TMTC2: variants seen among roughly 807,000 people sequenced by gnomAD.
TMTC2 encodes the protein transmembrane O-mannosyltransferase targeting cadherins 2.
Under a neutral mutation model 82.4 loss-of-function variants are expected in TMTC2, and 43 were observed. The ratio of observed to expected loss-of-function variants is 0.52; its 90% CI spans 0.41 to 0.67. TMTC2 has a LOEUF of 0.67. Ranked by LOEUF, TMTC2 falls within the 30% of genes least tolerant of loss-of-function variation. The pLI, the probability that TMTC2 is intolerant of heterozygous loss-of-function variation, is 0.00. For missense variants in TMTC2, 919 were observed against 1,012.4 expected (o/e 0.91, Z 1.25); for synonymous variants, 408 against 381.9 (o/e 1.07, Z -0.80).
intron 4 of TMTC2, among the ~76,000 whole-genome samples, chr12:82,942,855 CAAA>C (rs1342838206): frequency 1.3e-5 from 2 of 151,664 alleles, no homozygotes; most frequent in Admixed American, 1.3e-4. Context: ...GAAAAAAAAA[CAAA>C]AGATGAAACA....
intron 11 of TMTC2, among the ~76,000 whole-genome samples, chr12:83,078,767 T>C (rs1284122369): frequency 1.3e-5 from 2 of 152,204 alleles, no homozygotes; most frequent in Non-Finnish European, 2.9e-5. Context: ...TTTTATTCTG[T>C]CACTTTCTTT....
intron 1 of TMTC2, among the ~76,000 whole-genome samples, chr12:82,820,888 A>G (rs1054015402): frequency 1.3e-5 from 2 of 151,692 alleles, no homozygotes; most frequent in East Asian, 2.0e-4. Flanking sequence ...AATTATGACT[A>G]TTTTTTACAG....
At chr12:82,817,808 A>G (rs1393894296) in intron 1 of TMTC2, among the ~76,000 whole-genome samples, 1 of 152,174 alleles carries the variant, frequency 6.6e-6, no homozygotes, top group African/African-American at 2.4e-5. Flanking sequence ...ACGTTGGATC[A>G]GTTGCCTTTT....
At chr12:83,084,411 C>A (rs1409696349) in intron 11 of TMTC2, among the ~76,000 whole-genome samples, 1 of 151,960 alleles carries the variant, frequency 6.6e-6, no homozygotes, top group Non-Finnish European at 1.5e-5. Context: ...TTTTATTTCC[C>A]TCAGTTTTTA....
intron 11 of TMTC2, among the ~76,000 whole-genome samples, chr12:83,094,355 A>T (rs2137523983): frequency 6.6e-6 from 1 of 152,284 alleles, no homozygotes; most frequent in Middle Eastern, 3.4e-3. Flanking sequence ...TGTAGACAAT[A>T]CTGTGGTGTG....
intron 1 of TMTC2, among the ~76,000 whole-genome samples, chr12:82,834,078 T>C (rs1212375093): frequency 1.3e-5 from 2 of 152,222 alleles, no homozygotes; most frequent in African/African-American, 2.4e-5. Flanking sequence ...TAAGAATTAC[T>C]ACTAGAAATA....
intron 11 of TMTC2, among the ~76,000 whole-genome samples, chr12:83,092,088 A>G (rs1883865552): frequency 6.6e-6 from 1 of 152,220 alleles, no homozygotes; most frequent in South Asian, 2.1e-4. Flanking sequence ...AACTATTAAC[A>G]TTCTTCTGAA....
intron 3 of TMTC2, among the ~76,000 whole-genome samples, chr12:82,913,993 T>C (rs974404622): frequency 4.9e-4 from 75 of 152,106 alleles, no homozygotes; most frequent in South Asian, 1.0e-3. Context: ...AATCCACATA[T>C]AAGTAGAACC....
chr12:82,947,544 G>GTGTTAGCCCGGA (rs371818396), intron 4 of TMTC2, among the ~76,000 whole-genome samples: 1 of 146,374 alleles, frequency 6.8e-6, no homozygotes, highest in African/African-American at 2.7e-5. Flanking sequence ...GGGTTTCACC[G>GTGTTAGCCCGGA]TGGTCTCGAT....
At chr12:82,816,157 T>G (rs913755650) in intron 1 of TMTC2, among the ~76,000 whole-genome samples, 1 of 151,850 alleles carries the variant, frequency 6.6e-6, no homozygotes, top group Non-Finnish European at 1.5e-5. Context: ...TTTTTTTTTT[T>G]TTCTAATTCT....
At chr12:82,945,332 A>G (rs1876938537) in intron 4 of TMTC2, among the ~76,000 whole-genome samples, 1 of 152,232 alleles carries the variant, frequency 6.6e-6, no homozygotes, top group African/African-American at 2.4e-5. Context: ...CCATGTTGGA[A>G]AATGGTGAAA....
intron 1 of TMTC2, among the ~76,000 whole-genome samples, chr12:82,727,896 C>T (rs1012753980): frequency 6.6e-6 from 1 of 151,554 alleles, no homozygotes; most frequent in Non-Finnish European, 1.5e-5. Flanking sequence ...TACTAGATAG[C>T]TGAACAGGTT....
chr12:83,019,129 T>C (rs779119091), intron 8 of TMTC2, among the ~76,000 whole-genome samples: 2 of 145,044 alleles, frequency 1.4e-5, no homozygotes, highest in Non-Finnish European at 3.0e-5. Context: ...GATTTTGGGG[T>C]TATTTCCTCT....
intron 7 of TMTC2, among the ~76,000 whole-genome samples, chr12:82,980,496 A>G (rs1424259975): frequency 1.3e-5 from 2 of 151,812 alleles, no homozygotes; most frequent in Non-Finnish European, 3.0e-5. Flanking sequence ...CCAGCAAAGC[A>G]TCCTAAAATT....
At chr12:82,794,052 C>G (rs955849701) in intron 1 of TMTC2, among the ~76,000 whole-genome samples, 1 of 152,048 alleles carries the variant, frequency 6.6e-6, no homozygotes, top group Non-Finnish European at 1.5e-5. Flanking sequence ...TTTGATGGCT[C>G]CAGGGTGCTT....
chr12:83,045,725 A>ACACACG (rs71068971), intron 9 of TMTC2, among the ~76,000 whole-genome samples: 41 of 73,026 alleles, frequency 5.6e-4, no homozygotes, highest in African/African-American at 1.2e-3. Context: ...ACACACACAC[A>ACACACG]CGCACACACA....
At chr12:82,771,599 A>G (rs1277710199) in intron 1 of TMTC2, among the ~76,000 whole-genome samples, 2 of 152,204 alleles carry the variant, frequency 1.3e-5, no homozygotes, top group Admixed American at 1.3e-4. Context: ...CCAAGAATAA[A>G]TAATGGTATA....
In TMTC2 at chr12:82,907,742, T is replaced by C. The variant is rs1188524418; in HGVS notation, c.1483+11096T>C. 3.3e-5 allele frequency among the ~76,000 whole-genome samples: 5 copies of C among 152,212 alleles called. No homozygotes were observed. The East Asian group carries it at 7.7e-4, about 23-fold the overall frequency. ...TTTAGATTATATTTATCACGGTTTA[T>C]ATGCTAAAATACTTGAGACTAGCAT... On this transcript the variant is annotated intron_variant, in intron 3 of 11. Transcript: ENST00000321196.
chr12:82,738,641 G>A (rs988283489), intron 1 of TMTC2, among the ~76,000 whole-genome samples: 1 of 152,126 alleles, frequency 6.6e-6, no homozygotes, highest in African/African-American at 2.4e-5. Flanking sequence ...CTTTGAACTA[G>A]TAAGAAAACG....
Sources: allele counts gnomAD v4.1 joint callset (sites outside exome capture counted in the v4.1 genomes callset), GRCh38; gene constraint gnomAD v4.1.1; transcripts MANE v1.5; gene names NCBI Gene and HGNC (gene_info 2026-07-23, HGNC 2026-07-21).